The following SHTN1 variants were observed in gnomAD, a reference collection of about 807,000 sequenced individuals.
The protein encoded by SHTN1 is shootin-1.
SHTN1 carries 42 observed loss-of-function variants against 83.1 expected under a neutral mutation model. That is an observed-to-expected ratio of 0.51 (90% confidence interval 0.39 to 0.65). The LOEUF is 0.65. Ranked by LOEUF, SHTN1 falls within the 30% of genes least tolerant of loss-of-function variation. SHTN1 has a pLI of 0.00. For missense variants in SHTN1, 622 were observed against 737.8 expected, an observed-to-expected ratio of 0.84 and a Z score of 1.82; for synonymous variants, 224 against 247.7, an observed-to-expected ratio of 0.90 and a Z score of 0.90.
intron 4 of SHTN1, among the ~76,000 whole-genome samples, chr10:116,957,410 C>T (rs183277507): frequency 5.7e-4 from 86 of 151,826 alleles, no homozygotes; most frequent in Non-Finnish European, 7.1e-4. Flanking sequence ...CACACCACCA[C>T]GCCCAGCTAA....
chr10:117,105,153 T>C (rs1192836626), intron 1 of SHTN1, among the ~76,000 whole-genome samples: 1 of 152,162 alleles, frequency 6.6e-6, no homozygotes, highest in Non-Finnish European at 1.5e-5. Flanking sequence ...GCATATCTCA[T>C]ATTTGGTGAC....
intron 1 of SHTN1, among the ~76,000 whole-genome samples, chr10:117,053,891 A>C (rs1369247849): frequency 6.6e-6 from 1 of 152,260 alleles, no homozygotes; most frequent in Non-Finnish European, 1.5e-5. Flanking sequence ...GTATATACAT[A>C]TAATAGAATA....
chr10:116,886,194 T>C lies in SHTN1; in HGVS notation c.*150A>G. On this transcript the variant is annotated 3_prime_UTR_variant, in exon 17 of 17. Coordinates refer to ENST00000355371, the MANE Select transcript of SHTN1 (RefSeq NM_001127211.3). ...CTAAACAGCTTACTTATGTTTATAG[T>C]TGCTACTTACAAAAGTGACACCAGA... 1 of 1,096,678 alleles carries C rather than the reference T, an allele frequency of 9.1e-7. No homozygotes were observed. The highest frequency in any genetic ancestry group is 1.3e-6 in the Non-Finnish European group (1 of 781,476). The allele number at this position is 1,096,678 out of a possible 1,614,324, so 67.9% of individuals were successfully genotyped here. A position where few individuals can be genotyped will look rare whatever the true frequency, so the allele number is the denominator to read the frequency against.
chr10:116,960,112 A>G (rs1172702450), intron 4 of SHTN1, 24 bp downstream of exon 4: 1 of 1,431,552 alleles, frequency 7.0e-7, no homozygotes, highest in East Asian at 2.3e-5. Flanking sequence ...AGCTCAGGTA[A>G]AATTCCTTCA....
upstream of SHTN1, among the ~76,000 whole-genome samples, chr10:117,007,254 T>C (rs1313492151): frequency 1.3e-5 from 2 of 151,972 alleles, no homozygotes; most frequent in Non-Finnish European, 1.5e-5. Flanking sequence ...TCATCCTGAC[T>C]CATTCTCTCT....
chr10:117,032,436 C>T (rs1314174382), intron 2 of SHTN1, among the ~76,000 whole-genome samples: 1 of 152,030 alleles, frequency 6.6e-6, no homozygotes, highest in Non-Finnish European at 1.5e-5. Context: ...AATCTCCTGA[C>T]TTTTTGATCT....
chr10:117,028,738 A>T (rs931443474), intron 2 of SHTN1, among the ~76,000 whole-genome samples: 1 of 152,240 alleles, frequency 6.6e-6, no homozygotes, highest in African/African-American at 2.4e-5. Flanking sequence ...GCAGGTGCAC[A>T]GAATGCAAAA....
intron 2 of SHTN1, among the ~76,000 whole-genome samples, chr10:117,043,448 T>C (rs1412046456): frequency 6.6e-6 from 1 of 152,224 alleles, no homozygotes; most frequent in African/African-American, 2.4e-5. Flanking sequence ...AATGTTAATA[T>C]ACTTAATGTC....
chr10:116,976,825 T>A (rs945177648), intron 2 of SHTN1, among the ~76,000 whole-genome samples: 5 of 152,344 alleles, frequency 3.3e-5, no homozygotes, highest in African/African-American at 1.2e-4. Context: ...TTAAAACCAC[T>A]CTACTTTGTT....
chr10:117,066,068 AAAAAG>A (rs1441731024), intron 1 of SHTN1, among the ~76,000 whole-genome samples: 6 of 152,128 alleles, frequency 3.9e-5, no homozygotes, highest in Non-Finnish European at 8.8e-5. Context: ...CTACCTCTAA[AAAAAG>A]AAAAGAAAAG....
intron 2 of SHTN1, among the ~76,000 whole-genome samples, chr10:117,011,798 A>G (rs1852107447): frequency 6.6e-6 from 1 of 152,204 alleles, no homozygotes; most frequent in South Asian, 2.1e-4. Context: ...GCTGATGAAA[A>G]AAATCAAAGA....
intron 4 of SHTN1, among the ~76,000 whole-genome samples, chr10:116,957,655 C>T (rs575683108): frequency 5.3e-5 from 8 of 152,216 alleles, no homozygotes; most frequent in African/African-American, 1.7e-4. Context: ...TTTAAAGGTA[C>T]AAAACAAGCA....
In SHTN1 at chr10:116,886,262, T is replaced by C. The variant is rs1384185944; in HGVS notation, c.*82A>G. ...AATACAGTGACCAGAGCAGAATGTC[T>C]ACAGCCCTTGCCAATATAACAACAC... On this transcript the variant is annotated 3_prime_UTR_variant, in exon 17 of 17. Coordinates refer to ENST00000355371, the MANE Select transcript of SHTN1 (RefSeq NM_001127211.3). 10 of 1,535,970 alleles carry C rather than the reference T, an allele frequency of 6.5e-6. No individual in the cohort carries two copies. Among genetic ancestry groups the C allele is most frequent in the South Asian group, 3.6e-5 (3 of 82,260 alleles).
chr10:116,886,508 G>A lies in SHTN1; in HGVS notation c.1732C>T (p.Pro578Ser). ...GAAACAGGATCTAAAACTACAACTG[G>A]TTCGGCTTGTTTTTCACCGTCAATG... is the stretch of plus-strand genomic sequence containing the variant. The part of the protein sequence containing the change: ...KYIDGEKQAE[P>S]VVVLDPVSTH... The change falls in exon 17 of 17, where the codon CCA becomes TCA. Residue 578 changes from proline to serine, a missense_variant. By Grantham distance (74) the Pro-to-Ser change is moderately conservative. This residue lies in a region of SHTN1 where 231 missense variants were observed against 251.6 expected (regional missense o/e 0.92). Coordinates refer to ENST00000355371, the MANE Select transcript of SHTN1 (RefSeq NM_001127211.3). 1 of 1,614,126 alleles carries A rather than the reference G, an allele frequency of 6.2e-7. No homozygotes were observed.
At chr10:116,905,494 G>A (rs1272230426) in intron 15 of SHTN1, among the ~76,000 whole-genome samples, 1 of 151,992 alleles carries the variant, frequency 6.6e-6, no homozygotes, top group Non-Finnish European at 1.5e-5. Flanking sequence ...GCTGATTTTT[G>A]TTTTTTAAAG....
chr10:116,903,660 G>C (rs551663914), intron 15 of SHTN1, among the ~76,000 whole-genome samples: 2 of 152,260 alleles, frequency 1.3e-5, no homozygotes, highest in East Asian at 3.9e-4. Context: ...ATACGAAGTT[G>C]AATTCAAGAT....
chr10:117,079,024 T>TA (rs1853210012), intron 1 of SHTN1, among the ~76,000 whole-genome samples: 1 of 3,930 alleles, frequency 2.5e-4, no homozygotes, highest in Admixed American at 0.029. Context: ...GATTTGTGAA[T>TA]TTTTTTTATT....
At chr10:117,072,263 CA>C (rs1427517049) in intron 1 of SHTN1, among the ~76,000 whole-genome samples, 6 of 152,182 alleles carry the variant, frequency 3.9e-5, no homozygotes, top group Non-Finnish European at 8.8e-5. Context: ...CCTCCACTTA[CA>C]GATGGCCTAT....
At chr10:116,969,452 T>G (rs1850523319) in intron 2 of SHTN1, among the ~76,000 whole-genome samples, 1 of 151,920 alleles carries the variant, frequency 6.6e-6, no homozygotes, top group Admixed American at 6.6e-5. Flanking sequence ...AAAAAAAGAC[T>G]ACTGCATGAG....
Sources: allele counts gnomAD v4.1 joint callset (sites outside exome capture counted in the v4.1 genomes callset), GRCh38; gene constraint gnomAD v4.1.1; regional missense constraint gnomAD v4.1.1; transcripts MANE v1.5; gene names NCBI Gene and HGNC (gene_info 2026-07-23, HGNC 2026-07-21).